The following INVS variants were observed in gnomAD, a reference collection of about 807,000 sequenced individuals.
The protein encoded by INVS is inversin, also known as inversion of embryo turning homolog.
In INVS, 86 loss-of-function variants were observed where a neutral mutation model predicts 108.8. The ratio of observed to expected loss-of-function variants is 0.79; its 90% confidence interval spans 0.66 to 0.95. The LOEUF is 0.95. Ranked by LOEUF, INVS falls within the 40% of genes least tolerant of loss-of-function variation. INVS has a pLI of 0.00. For missense variants in INVS, 1,169 were observed against 1,297.4 expected (o/e 0.90, Z 1.52); for synonymous variants, 455 against 473.5 (o/e 0.96, Z 0.51).
At chr9:100,100,662 TATTATATATGTAC>T (rs1826829774) in intron 1 of INVS, among the ~76,000 whole-genome samples, 1 of 45,600 alleles carries the variant, frequency 2.2e-5, no homozygotes, top group Non-Finnish European at 3.5e-5. Context: ...ATAATATATA[TATTATATATGTAC>T]ATATAATATA....
At chr9:100,200,338 T>C (rs1830499628) in intron 3 of INVS, among the ~76,000 whole-genome samples, 1 of 152,216 alleles carries the variant, frequency 6.6e-6, no homozygotes, top group Non-Finnish European at 1.5e-5. Flanking sequence ...TTTCTGTTTG[T>C]TTGCATATGG....
At chr9:100,196,962 C>T (rs569829966) in intron 3 of INVS, among the ~76,000 whole-genome samples, 2 of 152,124 alleles carry the variant, frequency 1.3e-5, no homozygotes, top group African/African-American at 2.4e-5. Flanking sequence ...GAGACCTCTC[C>T]ACCAGCAAGC....
At chr9:100,185,043 G>C (rs1830012141) in intron 3 of INVS, among the ~76,000 whole-genome samples, 1 of 152,098 alleles carries the variant, frequency 6.6e-6, no homozygotes, top group Non-Finnish European at 1.5e-5. Context: ...ATAGATGTTG[G>C]TGAAAAGCTA....
intron 8 of INVS, among the ~76,000 whole-genome samples, chr9:100,248,619 A>G (rs764826145): frequency 6.6e-6 from 1 of 152,190 alleles, no homozygotes; most frequent in Non-Finnish European, 1.5e-5. Context: ...TAGAATTTCT[A>G]TTAGTATTTT....
chr9:100,262,579 G>T, intron 10 of INVS, among the ~76,000 whole-genome samples: 1 of 140,982 alleles, frequency 7.1e-6, no homozygotes, highest in Non-Finnish European at 1.5e-5. Context: ...TTCATATATT[G>T]GTAATGTGTG....
chr9:100,148,385 A>C (rs1428640955), intron 3 of INVS, among the ~76,000 whole-genome samples: 1 of 152,154 alleles, frequency 6.6e-6, no homozygotes, highest in Non-Finnish European at 1.5e-5. Flanking sequence ...TTTTAAGGTA[A>C]AAGTAAATTA....
intron 10 of INVS, among the ~76,000 whole-genome samples, chr9:100,257,693 C>G (rs1832465620): frequency 6.6e-6 from 1 of 152,196 alleles, no homozygotes; most frequent in Admixed American, 6.5e-5. Flanking sequence ...ATATGAAGTT[C>G]TGGTTTGACA....
intron 2 of INVS, among the ~76,000 whole-genome samples, chr9:100,114,523 T>C (rs1277656242): frequency 6.9e-6 from 1 of 144,244 alleles, no homozygotes; most frequent in South Asian, 2.3e-4. Flanking sequence ...CACCTCAGCC[T>C]CCTGAGTAGC....
At chr9:100,136,843 C>T (rs1162543841) in intron 3 of INVS, among the ~76,000 whole-genome samples, 1 of 152,096 alleles carries the variant, frequency 6.6e-6, no homozygotes, top group South Asian at 2.1e-4. Flanking sequence ...AGTTCAAGAC[C>T]AGCCTGGCCA....
intron 1 of INVS, among the ~76,000 whole-genome samples, chr9:100,104,164 G>A (rs1446380796): frequency 5.3e-5 from 8 of 152,076 alleles, no homozygotes; most frequent in African/African-American, 1.4e-4. Context: ...TGAGCAACTT[G>A]TACAAAAGTC....
chr9:100,196,581 A>C (rs1251748888), intron 3 of INVS, among the ~76,000 whole-genome samples: 1 of 151,926 alleles, frequency 6.6e-6, no homozygotes, highest in Non-Finnish European at 1.5e-5. Flanking sequence ...AGGGGGGCCC[A>C]GCAGGTCCCT....
chr9:100,251,002 C>A (rs961724056), intron 8 of INVS, among the ~76,000 whole-genome samples: 44 of 152,200 alleles, frequency 2.9e-4, no homozygotes, highest in Non-Finnish European at 5.7e-4. Flanking sequence ...TCAAAATACG[C>A]TGTCTTTTTC....
At chr9:100,288,656 TG>T (rs1833519279) in intron 13 of INVS, among the ~76,000 whole-genome samples, 1 of 151,908 alleles carries the variant, frequency 6.6e-6, no homozygotes, top group Admixed American at 6.6e-5. Flanking sequence ...GGTCTCACCC[TG>T]TCACCCAGGC....
intron 3 of INVS, among the ~76,000 whole-genome samples, chr9:100,190,049 G>A (rs943865189): frequency 1.3e-5 from 2 of 152,160 alleles, no homozygotes; most frequent in Admixed American, 6.5e-5. Flanking sequence ...GTCCAACTCT[G>A]GGAGCTCCAG....
chr9:100,179,004 A>G (rs1829800846), intron 3 of INVS, among the ~76,000 whole-genome samples: 1 of 152,186 alleles, frequency 6.6e-6, no homozygotes, highest in African/African-American at 2.4e-5. Context: ...GAAGAAAAGA[A>G]TTTTCAACAC....
chr9:100,116,976 C>T lies in INVS; in HGVS notation c.107-9407C>T, dbSNP rs183311398. ...CCCCGGGCTGAGGTGTAGCAGTCATCGATACCAGCCATCATGAGCAGCTTC... is the reference window on the plus strand; with the variant it reads ...CCCCGGGCTGAGGTGTAGCAGTCATTGATACCAGCCATCATGAGCAGCTTC... On this transcript the variant is annotated intron_variant, in intron 2 of 16. Transcript: ENST00000262457. The T allele has an allele frequency of 3.8e-3, 5,915 of 1,559,398 alleles. 17 individuals are homozygous for T. The highest frequency in any genetic ancestry group is 4.6e-3 in the Non-Finnish European group (5,224 of 1,147,904).
chr9:100,146,779 A>G (rs1338909887), intron 3 of INVS, among the ~76,000 whole-genome samples: 1 of 152,240 alleles, frequency 6.6e-6, no homozygotes, highest in African/African-American at 2.4e-5. Context: ...AGTTGACAAT[A>G]TATAGCTAAC....
At chr9:100,258,714 C>T (rs1427210466) in intron 10 of INVS, among the ~76,000 whole-genome samples, 6 of 152,308 alleles carry the variant, frequency 3.9e-5, no homozygotes, top group African/African-American at 1.4e-4. Context: ...GTATCACCAG[C>T]GGAGGCTGCA....
chr9:100,141,550 G>A (rs915146812), intron 3 of INVS, among the ~76,000 whole-genome samples: 7 of 152,280 alleles, frequency 4.6e-5, no homozygotes, highest in Middle Eastern at 6.8e-3. Flanking sequence ...AAATGACCGC[G>A]GTGGCCTTCT....
Sources: gnomAD v4.1 joint callset for allele counts (sites outside exome capture counted in the v4.1 genomes callset) on GRCh38, gnomAD v4.1.1 for gene constraint, MANE v1.5 for transcripts, NCBI Gene and HGNC (gene_info 2026-07-23, HGNC 2026-07-21) for gene names.